Variants in TBATA observed in about 807,000 individuals in gnomAD.
The protein encoded by TBATA is protein TBATA.
Under a neutral mutation model 38.7 loss-of-function variants are expected in TBATA, and 47 were observed. The ratio of observed to expected loss-of-function variants is 1.21; its 90% CI spans 0.96 to 1.55. The LOEUF (loss-of-function observed/expected upper bound fraction) is 1.55, where lower values mean the gene tolerates loss of function less well. TBATA is among the 40% of genes most tolerant of loss of function. The pLI, the probability that TBATA is intolerant of heterozygous loss-of-function variation, is 0.00. For synonymous variants in TBATA, 183 were observed against 170.5 expected (o/e 1.07, Z -0.57); for missense variants, 436 against 435.6 (o/e 1.00, Z -0.01).
At chr10:70,776,780 A>G (rs1193364007) in intron 7 of TBATA, among the ~76,000 whole-genome samples, 1 of 152,150 alleles carries the variant, frequency 6.6e-6, no homozygotes, top group Non-Finnish European at 1.5e-5. Flanking sequence ...TGTGGACACC[A>G]GGCTGGGCCT....
chr10:70,775,274 TG>T lies in TBATA; in HGVS notation c.694-5del. 1.9e-6 allele frequency: 3 copies of T among 1,613,738 alleles called. No individual in the cohort carries two copies. The highest frequency in any genetic ancestry group is 2.5e-6 in the Non-Finnish European group (3 of 1,179,680). On this transcript the variant is annotated splice_region_variant and splice_polypyrimidine_tract_variant and intron_variant, in intron 7 of 10. Coordinates refer to ENST00000456372, the MANE Select transcript of TBATA (RefSeq NM_001318241.2). ...TCCGACACAGGAGCTCCAGGACCTGTGGGCAGGAGGCCAGCACATTCCAGCC... is the reference window on the plus strand; with the variant it reads ...TCCGACACAGGAGCTCCAGGACCTGTGGCAGGAGGCCAGCACATTCCAGCC...
chr10:70,773,167 C>G (rs988161591), intron 9 of TBATA, among the ~76,000 whole-genome samples: 3 of 152,114 alleles, frequency 2.0e-5, no homozygotes, highest in Non-Finnish European at 4.4e-5. Flanking sequence ...TCCTCCTCTG[C>G]TCTCTCAGAG....
chr10:70,780,486 C>T (rs1202282326), intron 4 of TBATA, among the ~76,000 whole-genome samples: 1 of 151,990 alleles, frequency 6.6e-6, no homozygotes, highest in Admixed American at 6.6e-5. Flanking sequence ...TCCTGGGGTC[C>T]CCAGGTACCT....
chr10:70,778,622 CCTT>C lies in TBATA; in HGVS notation c.439_441del (p.Lys147del). The C allele has an allele frequency of 6.2e-7, 1 of 1,614,206 alleles. No homozygotes were observed. The highest frequency in any genetic ancestry group is 8.5e-7 in the Non-Finnish European group (1 of 1,180,046). On this transcript the variant is annotated inframe_deletion, in exon 6 of 11. Coordinates refer to ENST00000456372, the MANE Select transcript of TBATA (RefSeq NM_001318241.2). ...ACCCGGGAAGCTAGCTCCTTCAACT[CCTT>C]CTTCCAGGCTTCTGGGAGGAGGGGA...
intron 6 of TBATA, 127 bp from the exon 7 acceptor site, chr10:70,777,465 C>T (rs1394014500): frequency 1.2e-6 from 1 of 836,656 alleles, no homozygotes; most frequent in Non-Finnish European, 1.9e-6. Flanking sequence ...CCCAGCATCA[C>T]AGCGTTGCCA....
At chr10:70,778,925 G>T (rs1158026462) in intron 5 of TBATA, 16 of 527,260 alleles carry the variant, frequency 3.0e-5, no homozygotes, top group Admixed American at 9.2e-5. Context: ...GAGAATATTT[G>T]GTTACCTGTG....
chr10:70,774,304 G>T lies in TBATA; in HGVS notation c.829C>A (p.Gln277Lys). ...LQTAVAQLLP[Q>K]PLVSIPTEKL... ...TCTGTAGGGATGGAGACTAGGGGCT[G>T]GGGAAGGAGCTGAGCCACTGCTGTC... Residue 277 changes from glutamine to lysine, a missense_variant, in exon 9 of 11, where the codon CAG (glutamine) becomes AAG (lysine). Gln to Lys is a moderately conservative substitution (Grantham distance 53). Coordinates refer to ENST00000456372, the MANE Select transcript of TBATA (RefSeq NM_001318241.2). 6.2e-7 allele frequency: 1 copy of T among 1,608,498 alleles called. No individual in the cohort carries two copies. The highest frequency in any genetic ancestry group is 2.2e-5 in the East Asian group (1 of 44,748).
chr10:70,783,074 C>T (rs1421908575), intron 3 of TBATA, among the ~76,000 whole-genome samples: 1 of 152,234 alleles, frequency 6.6e-6, no homozygotes, highest in Non-Finnish European at 1.5e-5. Flanking sequence ...AAGTCACCTC[C>T]TGAGAACCCC....
intron 3 of TBATA, chr10:70,782,347 A>C: frequency 7.2e-7 from 1 of 1,397,860 alleles, no homozygotes; most frequent in South Asian, 1.2e-5. Flanking sequence ...GAAGCTGCAG[A>C]CCCACCTACT....
intron 4 of TBATA, among the ~76,000 whole-genome samples, chr10:70,781,236 G>A (rs1211731983): frequency 6.6e-6 from 1 of 152,180 alleles, no homozygotes; most frequent in Non-Finnish European, 1.5e-5. Flanking sequence ...TTCCTGTGTA[G>A]TTCTTTGCTC....
chr10:70,771,319 C>T lies in TBATA; in HGVS notation c.*57G>A. 1.2e-6 allele frequency: 2 copies of T among 1,613,924 alleles called. No individual in the cohort carries two copies. Among genetic ancestry groups the T allele is most frequent in the Non-Finnish European group, 1.7e-6 (2 of 1,179,844 alleles). On this transcript the variant is annotated 3_prime_UTR_variant, in exon 11 of 11. Transcript: ENST00000456372. The stretch of plus-strand genomic sequence containing the variant: ...GCTGTGAAGGTGGTGGAGACAGAAA[C>T]ACCCCTGAACCCTTGGGGCTGCTCT...
chr10:70,777,450 C>T, intron 6 of TBATA, 112 bp from the exon 7 acceptor site: 1 of 943,146 alleles, frequency 1.1e-6, no homozygotes, highest in South Asian at 1.6e-5. Context: ...CTTCGCCTCC[C>T]AAATCCCAGC....
chr10:70,775,400 G>C, intron 7 of TBATA, 130 bp from the exon 8 acceptor site: 1 of 692,296 alleles, frequency 1.4e-6, no homozygotes, highest in Non-Finnish European at 2.6e-6. Context: ...TGGGCTAAAC[G>C]TGTTCCCACA....
At chr10:70,777,099 G>A in intron 7 of TBATA, 54 bp downstream of exon 7, 1 of 1,576,430 alleles carries the variant, frequency 6.3e-7, no homozygotes, top group East Asian at 2.3e-5. Context: ...AAAGCGGTTT[G>A]TAAGACCCCT....
chr10:70,782,513 C>A, intron 3 of TBATA: 1 of 1,277,660 alleles, frequency 7.8e-7, no homozygotes, highest in Non-Finnish European at 1.0e-6. Flanking sequence ...GTAGTCTTGG[C>A]TCAGACTCAG....
rs750745549 is a variant in TBATA at position 70,777,144 on chromosome 10, G to A, written c.693+9C>T. The A allele has an allele frequency of 9.3e-6, 15 of 1,611,470 alleles. No homozygotes were observed. The highest frequency in any genetic ancestry group is 3.3e-5 in the South Asian group (3 of 91,006). On this transcript the variant is annotated intron_variant, in intron 7 of 10. Transcript: ENST00000456372. Reference sequence around the variant, plus strand: ...AGCCAGGAGCCTGGGAGCAGAACTGGGCCCTCACCAGCAGCTCCTGATCCT... The same window carrying A: ...AGCCAGGAGCCTGGGAGCAGAACTGAGCCCTCACCAGCAGCTCCTGATCCT...
At position 70,782,254 on chromosome 10, in the gene TBATA, G is replaced by T. The variant is rs747579728; in HGVS notation, c.42-218C>A. 110 of 1,445,830 alleles carry T rather than the reference G, an allele frequency of 7.6e-5. No individual in the cohort carries two copies. In the Admixed American group the frequency reaches 9.9e-4, roughly 13 times the overall value. The allele number at this position is 1,445,830 out of a possible 1,614,324, so 89.6% of individuals were successfully genotyped here. A position where few individuals can be genotyped will look rare whatever the true frequency, so the allele number is the denominator to read the frequency against. ...CTGTCCTGGTTAGTCTTCCTTATCA[G>T]GGAGCTGGCATCCATTTGAGGGAAC... is the stretch of plus-strand genomic sequence containing the variant. On this transcript the variant is annotated intron_variant, in intron 3 of 10. Coordinates refer to ENST00000456372, the MANE Select transcript of TBATA (RefSeq NM_001318241.2).
In TBATA at chr10:70,771,329, C is replaced by A. The variant is rs778633115; in HGVS notation, c.*47G>T. 1.6e-5 allele frequency: 26 copies of A among 1,613,950 alleles called. No homozygotes were observed. Among genetic ancestry groups the A allele is most frequent in the Non-Finnish European group, 2.0e-5 (24 of 1,179,928 alleles). On this transcript the variant is annotated 3_prime_UTR_variant, in exon 11 of 11. Coordinates refer to ENST00000456372, the MANE Select transcript of TBATA (RefSeq NM_001318241.2). ...TGGTGGAGACAGAAACACCCCTGAACCCTTGGGGCTGCTCTTGAGCAAGGC... is the reference window on the plus strand; with the variant it reads ...TGGTGGAGACAGAAACACCCCTGAAACCTTGGGGCTGCTCTTGAGCAAGGC...
rs936916507 is a variant in TBATA at position 70,778,540 on chromosome 10, C to T, written c.507+17G>A. On this transcript the variant is annotated intron_variant, in intron 6 of 10. Coordinates refer to ENST00000456372, the MANE Select transcript of TBATA (RefSeq NM_001318241.2). ...GTTTCTCCTCTTCCCAGACTAGCTC[C>T]TGTGTTCCGCACCCACCTCTTTCTT... is the stretch of plus-strand genomic sequence containing the variant. The T allele has an allele frequency of 4.3e-6, 7 of 1,612,650 alleles. No homozygotes were observed. The African/African-American group carries it at 8.0e-5, about 18-fold the overall frequency.
Sources: gnomAD v4.1 joint callset for allele counts (sites outside exome capture counted in the v4.1 genomes callset) on GRCh38, gnomAD v4.1.1 for gene constraint, MANE v1.5 for transcripts, NCBI Gene and HGNC (gene_info 2026-07-23, HGNC 2026-07-21) for gene names.